Variants in ASPRV1 observed in about 807,000 individuals in gnomAD.
ASPRV1 encodes retroviral-like aspartic protease 1.
ASPRV1 carries 7 observed loss-of-function variants against 11.0 expected under a neutral mutation model. The ratio of observed to expected loss-of-function variants is 0.64; its 90% CI spans 0.36 to 1.20. The LOEUF (loss-of-function observed/expected upper bound fraction) is 1.20. Among genes scored for constraint, ASPRV1 ranks in the 50% most tolerant of loss-of-function variants. ASPRV1 has a pLI of 0.02. For synonymous variants in ASPRV1, 136 were observed against 138.4 expected, an observed-to-expected ratio of 0.98 and a Z score of 0.12; for missense variants, 299 against 320.0, an observed-to-expected ratio of 0.93 and a Z score of 0.50.
the ASPRV1 span, among the ~76,000 whole-genome samples, chr2:70,076,358 T>C: frequency 2.0e-5 from 3 of 152,372 alleles, no homozygotes; most frequent in East Asian, 5.8e-4. Flanking sequence ...TTTATTTACC[T>C]TATTTCTCTA....
At chr2:69,978,989 G>C in the ASPRV1 span, among the ~76,000 whole-genome samples, 1 of 152,166 alleles carries the variant, frequency 6.6e-6, no homozygotes, top group Admixed American at 6.5e-5. Context: ...AGAAGGTCTT[G>C]GACCTGTCCT....
chr2:69,964,369 C>T (rs867433407), upstream of ASPRV1: 1 of 455,130 alleles, frequency 2.2e-6, no homozygotes, highest in Middle Eastern at 3.3e-4. Flanking sequence ...TCATGGTTAC[C>T]GTGAGAGCTG....
chr2:70,023,336 G>A, the ASPRV1 span, among the ~76,000 whole-genome samples: 1 of 152,164 alleles, frequency 6.6e-6, no homozygotes, highest in Non-Finnish European at 1.5e-5. Context: ...TGATTTGCAG[G>A]GGAGGGAAGA....
chr2:70,082,934 C>T, the ASPRV1 span, among the ~76,000 whole-genome samples: 1 of 151,844 alleles, frequency 6.6e-6, no homozygotes, highest in South Asian at 2.1e-4. Flanking sequence ...ATTAAACAAC[C>T]ATAGTATGCT....
the ASPRV1 span, among the ~76,000 whole-genome samples, chr2:70,061,538 G>C: frequency 6.6e-6 from 1 of 152,190 alleles, no homozygotes; most frequent in Non-Finnish European, 1.5e-5. Context: ...CGAACTGTGA[G>C]CAGATGAAGG....
chr2:69,934,642 C>T, the ASPRV1 span, among the ~76,000 whole-genome samples: 2 of 152,168 alleles, frequency 1.3e-5, no homozygotes. Context: ...TACAAGAAAA[C>T]ATGAATATAG....
At chr2:69,938,173 C>G in the ASPRV1 span, 1 of 1,614,218 alleles carries the variant, frequency 6.2e-7, no homozygotes, top group Non-Finnish European at 8.5e-7. Flanking sequence ...GTGTGAGCGA[C>G]TCTGACGAGC....
the ASPRV1 span, among the ~76,000 whole-genome samples, chr2:69,974,875 G>A: frequency 5.9e-3 from 900 of 152,328 alleles, 8 homozygotes; most frequent in African/African-American, 0.021. Flanking sequence ...GCACAGAACC[G>A]TAAGGCTAGG....
At chr2:70,026,239 G>C in the ASPRV1 span, among the ~76,000 whole-genome samples, 3 of 151,822 alleles carry the variant, frequency 2.0e-5, no homozygotes, top group African/African-American at 4.8e-5. Context: ...GAATCACTTG[G>C]GCACTCCAGC....
chr2:70,008,111 T>C, the ASPRV1 span, among the ~76,000 whole-genome samples: 4 of 152,040 alleles, frequency 2.6e-5, no homozygotes, highest in South Asian at 6.2e-4. Flanking sequence ...ACTGGGATTA[T>C]AGGCATGAGC....
chr2:69,996,804 C>T, the ASPRV1 span: 5 of 451,086 alleles, frequency 1.1e-5, no homozygotes, highest in Non-Finnish European at 1.8e-5. Context: ...CGGTCAGATA[C>T]TGTCCCTAAC....
chr2:70,054,301 A>ATAAATAAATAAATAAATAAATAAT, the ASPRV1 span: 1 of 128,144 alleles, frequency 7.8e-6, no homozygotes, highest in African/African-American at 3.0e-5. Flanking sequence ...CAAAAAATAA[A>ATAAATAAATAAATAAATAAATAAT]AAATAGGTGG....
chr2:70,079,618 C>T, the ASPRV1 span, among the ~76,000 whole-genome samples: 1 of 152,090 alleles, frequency 6.6e-6, no homozygotes, highest in African/African-American at 2.4e-5. Context: ...ACCAGTGAGG[C>T]AGGAACAGCA....
At chr2:70,064,868 C>T in the ASPRV1 span, among the ~76,000 whole-genome samples, 3 of 151,350 alleles carry the variant, frequency 2.0e-5, no homozygotes, top group Non-Finnish European at 1.5e-5. Context: ...CCAAGGCAGG[C>T]GGAACGTTTG....
At chr2:70,006,697 C>T in the ASPRV1 span, among the ~76,000 whole-genome samples, 5 of 152,158 alleles carry the variant, frequency 3.3e-5, no homozygotes, top group African/African-American at 1.2e-4. Context: ...TCAGCAGCCC[C>T]TCTGTTCTCA....
the ASPRV1 span, chr2:70,069,005 A>G: frequency 6.6e-6 from 1 of 151,582 alleles, no homozygotes. Context: ...GGCAGAGATC[A>G]TGGGCAGCTT....
chr2:69,956,541 GAGA>G (rs563930496), downstream of ASPRV1, among the ~76,000 whole-genome samples: 23 of 150,632 alleles, frequency 1.5e-4, no homozygotes, highest in South Asian at 2.1e-3. Context: ...GGAGGAGGAG[GAGA>G]AGAAGAAGAA....
At chr2:70,076,684 A>G in the ASPRV1 span, among the ~76,000 whole-genome samples, 62 of 152,230 alleles carry the variant, frequency 4.1e-4, no homozygotes, top group Non-Finnish European at 8.8e-4. Context: ...AACACTTAAC[A>G]TTAGCCTCTA....
At chr2:69,935,334 T>C in the ASPRV1 span, 4 of 1,582,124 alleles carry the variant, frequency 2.5e-6, no homozygotes, top group African/African-American at 5.4e-5. Flanking sequence ...AATGCTACTG[T>C]GGTCTTGTTT....
Sources: gnomAD v4.1 joint callset for allele counts (sites outside exome capture counted in the v4.1 genomes callset) on GRCh38, gnomAD v4.1.1 for gene constraint, MANE v1.5 for transcripts, NCBI Gene and HGNC (gene_info 2026-07-23, HGNC 2026-07-21) for gene names.